COMMD1: variants seen among roughly 807,000 people sequenced by gnomAD.
COMMD1 encodes copper metabolism domain containing 1.
A neutral mutation model predicts 17.2 loss-of-function variants in COMMD1; 10 were observed. That is an observed-to-expected ratio of 0.58 (90% confidence interval 0.36 to 0.99). The LOEUF (loss-of-function observed/expected upper bound fraction) is 0.99. Among genes scored for constraint, COMMD1 ranks in the 50% least tolerant of loss-of-function variants. The pLI is 0.01. For synonymous variants in COMMD1, 97 were observed against 91.6 expected (o/e 1.06, Z -0.34); for missense variants, 270 against 231.8 (o/e 1.17, Z -1.07).
chr2:62,037,496 G>A (rs915772810), intron 2 of COMMD1, among the ~76,000 whole-genome samples: 2 of 152,166 alleles, frequency 1.3e-5, no homozygotes, highest in Admixed American at 1.3e-4. Flanking sequence ...GATTATGAAA[G>A]TCTTAGATAT....
intron 1 of COMMD1, among the ~76,000 whole-genome samples, chr2:61,930,716 C>CT (rs2105207990): frequency 6.7e-6 from 1 of 148,390 alleles, no homozygotes; most frequent in Non-Finnish European, 1.5e-5. Flanking sequence ...TTTAAGATAC[C>CT]TTTTTTAGAT....
At chr2:62,118,319 A>G (rs1290427599) in intron 2 of COMMD1, 3 of 152,204 alleles carry the variant, frequency 2.0e-5, no homozygotes, top group Non-Finnish European at 2.9e-5. Flanking sequence ...AAACTGGGAA[A>G]CACATTGTTA....
At chr2:62,057,521 A>C (rs1478214400) in intron 2 of COMMD1, among the ~76,000 whole-genome samples, 1 of 152,180 alleles carries the variant, frequency 6.6e-6, no homozygotes, top group Non-Finnish European at 1.5e-5. Context: ...GTACTGTTTT[A>C]AAATTTAGCA....
intron 2 of COMMD1, among the ~76,000 whole-genome samples, chr2:62,104,354 C>A (rs949004698): frequency 1.1e-4 from 16 of 151,960 alleles, no homozygotes; most frequent in Non-Finnish European, 2.4e-4. Context: ...AAACAACAGG[C>A]CAGGCGCAGT....
At chr2:62,023,338 G>A (rs1669664741) in intron 2 of COMMD1, among the ~76,000 whole-genome samples, 2 of 151,800 alleles carry the variant, frequency 1.3e-5, no homozygotes, top group Non-Finnish European at 2.9e-5. Context: ...CTTTAACACT[G>A]TATGTAAACA....
At chr2:62,121,323 T>C (rs1451212364) in intron 2 of COMMD1, among the ~76,000 whole-genome samples, 1 of 121,456 alleles carries the variant, frequency 8.2e-6, no homozygotes, top group African/African-American at 3.2e-5. Context: ...TCAGCCAAGA[T>C]CATGCCACTA....
At chr2:62,104,633 C>CAAAAAAAAAA (rs35679940) in intron 2 of COMMD1, among the ~76,000 whole-genome samples, 1 of 76,708 alleles carries the variant, frequency 1.3e-5, no homozygotes, top group African/African-American at 5.1e-5. Context: ...GACTCCGTCT[C>CAAAAAAAAAA]AAAAAAAAAA....
At chr2:61,899,538 T>C (rs1669616066) in intron 1 of COMMD1, among the ~76,000 whole-genome samples, 1 of 152,214 alleles carries the variant, frequency 6.6e-6, no homozygotes, top group Non-Finnish European at 1.5e-5. Flanking sequence ...CCTGTTAACC[T>C]GTCTTAATGT....
chr2:62,118,050 C>A (rs1314258784), intron 2 of COMMD1, among the ~76,000 whole-genome samples: 1 of 152,138 alleles, frequency 6.6e-6, no homozygotes, highest in Non-Finnish European at 1.5e-5. Flanking sequence ...GAATTGTGTG[C>A]GATTTTAAGT....
intron 1 of COMMD1, among the ~76,000 whole-genome samples, chr2:61,959,591 C>T (rs928292610): frequency 6.6e-6 from 1 of 152,150 alleles, no homozygotes; most frequent in African/African-American, 2.4e-5. Flanking sequence ...TTTCCAAAGA[C>T]ACACATCTTG....
chr2:61,894,921 C>T (rs1669522098), intron 1 of COMMD1, among the ~76,000 whole-genome samples: 1 of 152,084 alleles, frequency 6.6e-6, no homozygotes, highest in Non-Finnish European at 1.5e-5. Context: ...TGGTCTCAAA[C>T]TCCTGACCTC....
chr2:62,001,442 A>G (rs185512360), intron 2 of COMMD1, among the ~76,000 whole-genome samples: 26 of 152,322 alleles, frequency 1.7e-4, no homozygotes, highest in Admixed American at 1.3e-3. Flanking sequence ...TAAATGTGCT[A>G]TCTCTGTCCT....
intron 2 of COMMD1, among the ~76,000 whole-genome samples, chr2:62,115,016 G>A (rs1035056152): frequency 6.6e-6 from 1 of 152,116 alleles, no homozygotes; most frequent in Non-Finnish European, 1.5e-5. Context: ...TTTTAATATT[G>A]TTGAGTATGA....
chr2:61,958,329 C>T (rs34777879), intron 1 of COMMD1, among the ~76,000 whole-genome samples: 22,600 of 150,678 alleles, frequency 0.15, 1,730 homozygotes, highest in East Asian at 0.21. Context: ...TGCAGGGGCG[C>T]GATCTCAGCT....
intron 1 of COMMD1, among the ~76,000 whole-genome samples, chr2:61,940,144 C>T (rs1670705023): frequency 6.6e-6 from 1 of 152,192 alleles, no homozygotes; most frequent in Non-Finnish European, 1.5e-5. Context: ...CAATACTCCA[C>T]AAAAGGCTAC....
intron 2 of COMMD1, among the ~76,000 whole-genome samples, chr2:62,117,425 AATG>A (rs1468256030): frequency 6.6e-6 from 1 of 152,204 alleles, no homozygotes; most frequent in Non-Finnish European, 1.5e-5. Flanking sequence ...AGTGCCTATT[AATG>A]ATGGCGTTTA....
intron 1 of COMMD1, among the ~76,000 whole-genome samples, chr2:61,983,335 A>AC (rs1238821402): frequency 6.6e-6 from 1 of 151,876 alleles, no homozygotes; most frequent in Non-Finnish European, 1.5e-5. Flanking sequence ...GACTACAGGC[A>AC]CGTGCCACCA....
At chr2:61,939,414 C>T (rs1339957612) in intron 1 of COMMD1, among the ~76,000 whole-genome samples, 1 of 150,942 alleles carries the variant, frequency 6.6e-6, no homozygotes, top group Non-Finnish European at 1.5e-5. Context: ...TGCAGTGAGC[C>T]GAGATTGCGC....
At chr2:62,123,203 C>T (rs1463634129) in intron 2 of COMMD1, among the ~76,000 whole-genome samples, 3 of 151,486 alleles carry the variant, frequency 2.0e-5, no homozygotes, top group Non-Finnish European at 2.9e-5. Context: ...AAAAAAAATA[C>T]TTTTTAAAAA....
Sources: allele counts gnomAD v4.1 joint callset (sites outside exome capture counted in the v4.1 genomes callset), GRCh38; gene constraint gnomAD v4.1.1; transcripts MANE v1.5; gene names NCBI Gene and HGNC (gene_info 2026-07-23, HGNC 2026-07-21).